The following PLEKHA4 variants were observed in gnomAD, a reference collection of about 807,000 sequenced individuals.
The protein encoded by PLEKHA4 is pleckstrin homology domain-containing family A member 4.
Under a neutral mutation model 94.7 loss-of-function variants are expected in PLEKHA4, and 73 were observed. The observed-to-expected ratio is 0.77, with a 90% CI of 0.64 to 0.94. PLEKHA4 has a LOEUF of 0.94. PLEKHA4 is among the 40% of genes least tolerant of loss of function. The pLI is 0.00. For synonymous variants in PLEKHA4, 449 were observed against 437.1 expected, an observed-to-expected ratio of 1.03 and a Z score of -0.34; for missense variants, 1,049 against 1,054.1, an observed-to-expected ratio of 1.00 and a Z score of 0.07.
chr19:48,856,657 G>T (rs574436487), intron 9 of PLEKHA4, among the ~76,000 whole-genome samples: 245 of 152,116 alleles, frequency 1.6e-3, no homozygotes, highest in African/African-American at 5.7e-3. Flanking sequence ...GGCGAAGGTT[G>T]CAGTGAACCG....
At position 48,867,629 on chromosome 19, in the gene PLEKHA4, G is replaced by A. The variant is rs751951206; in HGVS notation, c.-6-3C>T. ...GGTCGGCTCCCCTCCATCAAGGGCT[G>A]GGGGAGAGAAAGAAAGGGGCTGTGT... On this transcript the variant is annotated splice_polypyrimidine_tract_variant and splice_region_variant and intron_variant, in intron 1 of 19. Coordinates refer to ENST00000263265, the MANE Select transcript of PLEKHA4 (RefSeq NM_020904.3). The surrounding 1 kb of genome is among the most constrained non-coding windows in gnomAD (Gnocchi z 4.7). The A allele has an allele frequency of 1.3e-6, 2 of 1,585,878 alleles. No individual in the cohort carries two copies. The highest frequency in any genetic ancestry group is 2.3e-5 in the South Asian group (2 of 86,512).
chr19:48,859,424 G>A (rs749801873), intron 7 of PLEKHA4, 45 bp downstream of exon 7: 7 of 1,599,726 alleles, frequency 4.4e-6, no homozygotes, highest in South Asian at 1.1e-5. Flanking sequence ...TTCCGGCCCT[G>A]CCCTTCTCTT....
chr19:48,841,053 G>C (rs1014873071), intron 17 of PLEKHA4, 96 bp downstream of exon 17: 18 of 1,225,066 alleles, frequency 1.5e-5, no homozygotes, highest in Admixed American at 2.4e-5. Context: ...GGAGGAAGGA[G>C]GTAGTGATTA....
intron 6 of PLEKHA4, 185 bp downstream of exon 6, chr19:48,860,165 T>A (rs1035342616): frequency 3.5e-5 from 21 of 602,140 alleles, no homozygotes; most frequent in Non-Finnish European, 6.2e-5. Flanking sequence ...TGGGCGGAAC[T>A]TAAGGGAGAA....
chr19:48,848,087 G>C (rs757969478), intron 13 of PLEKHA4, 47 bp from the exon 14 acceptor site: 1 of 1,591,372 alleles, frequency 6.3e-7, no homozygotes, highest in Non-Finnish European at 8.6e-7. Flanking sequence ...GAAAACGCAG[G>C]AGGGTTTCAG....
Position 48,847,835 on chromosome 19 carries a change from A to C in PLEKHA4, c.1566+65T>G, listed in dbSNP as rs1049829771. 4.0e-6 allele frequency: 6 copies of C among 1,489,720 alleles called. No individual in the cohort carries two copies. In the African/African-American group the frequency reaches 8.5e-5, roughly 21 times the overall value. 92.3% of individuals were successfully genotyped at this position (1,489,720 alleles called of 1,614,324 possible). ...GAAGAATTAAAGAGGTGGGTGGGGAATAGACTGAGTCAAGGACAGGTGGGA... is the reference window on the plus strand; with the variant it reads ...GAAGAATTAAAGAGGTGGGTGGGGACTAGACTGAGTCAAGGACAGGTGGGA... On this transcript the variant is annotated intron_variant, in intron 14 of 19. Coordinates refer to ENST00000263265, the MANE Select transcript of PLEKHA4 (RefSeq NM_020904.3).
chr19:48,860,486 G>C (rs763614182), intron 5 of PLEKHA4, 27 bp from the exon 6 acceptor site: 1 of 1,566,982 alleles, frequency 6.4e-7, no homozygotes, highest in Non-Finnish European at 8.8e-7. Flanking sequence ...CTTGGAATCC[G>C]GACTCCCGGG....
rs1388096465 is a variant in PLEKHA4 at position 48,854,097 on chromosome 19, G to A, written c.1096-10C>T. On this transcript the variant is annotated splice_polypyrimidine_tract_variant and intron_variant, in intron 10 of 19. Coordinates refer to ENST00000263265, the MANE Select transcript of PLEKHA4 (RefSeq NM_020904.3). The stretch of plus-strand genomic sequence containing the variant: ...ACTTGGTCAGCAGCGTCTGGAGAAA[G>A]GAGAGCGGGAGCTACTGATGGTCCA... 6.2e-7 allele frequency: 1 copy of A among 1,614,068 alleles called. No individual in the cohort carries two copies.
rs2123208772 is a variant in PLEKHA4, at chr19:48,867,524, A to G, written c.84+13T>C. 4 of 1,587,548 alleles carry G rather than the reference A, an allele frequency of 2.5e-6. No individual in the cohort carries two copies. Among genetic ancestry groups the G allele is most frequent in the Non-Finnish European group, 3.4e-6 (4 of 1,169,510 alleles). On this transcript the variant is annotated intron_variant, in intron 2 of 19. Coordinates refer to ENST00000263265, the MANE Select transcript of PLEKHA4 (RefSeq NM_020904.3). The surrounding 1 kb of genome is among the most constrained non-coding windows in gnomAD (Gnocchi z 4.7). ...CCCCACCTTCCTCCCCATCCCCGCC[A>G]GGAAGCTCAAACCTTGGGGCTCAGG...
At chr19:48,848,176 T>C (rs994423494) in intron 13 of PLEKHA4, 136 bp from the exon 14 acceptor site, 60 of 1,052,446 alleles carry the variant, frequency 5.7e-5, no homozygotes, top group Middle Eastern at 3.0e-4. Flanking sequence ...CCCATGTGGT[T>C]ATCCAGTTGA....
intron 14 of PLEKHA4, among the ~76,000 whole-genome samples, chr19:48,846,968 G>C (rs1198706703): frequency 1.3e-5 from 2 of 152,102 alleles, no homozygotes; most frequent in Non-Finnish European, 2.9e-5. Context: ...TGCAACCTCT[G>C]CCTCCCTGGT....
Position 48,837,601 on chromosome 19 carries a change from C to T in PLEKHA4, c.2078-50G>A, listed in dbSNP as rs10407029. 0.28 allele frequency: 450,394 copies of T among 1,598,316 alleles called. 73,169 individuals carry two copies. The highest frequency in any genetic ancestry group is 0.73 in the African/African-American group (54,017 of 74,460). On this transcript the variant is annotated intron_variant, in intron 19 of 19. Coordinates refer to ENST00000263265, the MANE Select transcript of PLEKHA4 (RefSeq NM_020904.3). This position sits in a 1 kb window ranked among gnomAD's most constrained non-coding sequence, Gnocchi z 4.3. ...GAATGGCAAACCTCAGCGCTAGGAC[C>T]CCGGATTCCCAGCCCCTCCTCCCTC... is the stretch of plus-strand genomic sequence containing the variant.
intron 15 of PLEKHA4, 29 bp downstream of exon 15, chr19:48,845,488 G>A (rs373203585): frequency 1.1e-5 from 18 of 1,613,362 alleles, no homozygotes; most frequent in Admixed American, 3.3e-5. Flanking sequence ...GGGAATTTCC[G>A]TAAAGTCCCA....
Position 48,867,778 on chromosome 19 carries a change from A to C in PLEKHA4, c.-6-152T>G, listed in dbSNP as rs1032831094. Among the ~76,000 whole-genome samples the C allele has an allele frequency of 1.3e-5, 2 of 152,120 alleles. No individual in the cohort carries two copies. The highest frequency in any genetic ancestry group is 2.9e-5 in the Non-Finnish European group (2 of 68,000). On this transcript the variant is annotated intron_variant, in intron 1 of 19. Coordinates refer to ENST00000263265, the MANE Select transcript of PLEKHA4 (RefSeq NM_020904.3). This position sits in a 1 kb window ranked among gnomAD's most constrained non-coding sequence, Gnocchi z 4.7. ...GGGGGAGGCCATGGCCCGTGACCACATACCAAGAGTGGTGCCAAGAGAGGT... is the reference window on the plus strand; with the variant it reads ...GGGGGAGGCCATGGCCCGTGACCACCTACCAAGAGTGGTGCCAAGAGAGGT...
Position 48,841,277 on chromosome 19 carries a change from C to G in PLEKHA4, c.1777G>C (p.Glu593Gln). ...TTTCTGCGCATCCGCTCCAGCTGCTCCTGGGCACTCATCCGGGGCCGGGCC... is the reference window on the plus strand; with the variant it reads ...TTTCTGCGCATCCGCTCCAGCTGCTGCTGGGCACTCATCCGGGGCCGGGCC... Reference protein sequence around the residue: ...PVARPRMSAQEQLERMRRNQE... With the variant: ...PVARPRMSAQQQLERMRRNQE... The change falls in exon 17 of 20, where the codon GAG becomes CAG. Residue 593 changes from glutamate to glutamine, a missense_variant. By Grantham distance (29) the Glu-to-Gln change is conservative. Coordinates refer to ENST00000263265, the MANE Select transcript of PLEKHA4 (RefSeq NM_020904.3). 1 of 1,613,270 alleles carries G rather than the reference C, an allele frequency of 6.2e-7. No individual in the cohort carries two copies. Among genetic ancestry groups the G allele is most frequent in the Non-Finnish European group, 8.5e-7 (1 of 1,179,748 alleles).
intron 16 of PLEKHA4, among the ~76,000 whole-genome samples, chr19:48,844,804 CTTTTTTTTT>C (rs149141709): frequency 1.6e-4 from 11 of 70,838 alleles, no homozygotes; most frequent in Non-Finnish European, 2.2e-4. Context: ...CTCAGGGTGT[CTTTTTTTTT>C]TTTTTTTTTT....
intron 16 of PLEKHA4, among the ~76,000 whole-genome samples, chr19:48,844,196 C>T (rs181662645): frequency 1.7e-3 from 252 of 149,068 alleles, no homozygotes; most frequent in African/African-American, 5.8e-3. Flanking sequence ...GCTCTGTTGC[C>T]CAGGCTGGAG....
At chr19:48,838,364 T>A (rs1568531062) in intron 18 of PLEKHA4, 1 of 304,808 alleles carries the variant, frequency 3.3e-6, no homozygotes, top group Non-Finnish European at 6.1e-6. Flanking sequence ...CTATTCCCGA[T>A]GATGTGCTTA....
chr19:48,859,131 G>A lies in PLEKHA4; in HGVS notation c.701C>T (p.Thr234Ile), dbSNP rs368332515. The A allele has an allele frequency of 2.6e-6, 4 of 1,516,740 alleles. No individual in the cohort carries two copies. Among genetic ancestry groups the A allele is most frequent in the East Asian group, 4.9e-5 (2 of 40,440 alleles). 94.0% of individuals were successfully genotyped at this position (1,516,740 alleles called of 1,614,324 possible). Residue 234 changes from threonine (T) to isoleucine (I), a missense_variant, in exon 8 of 20, where the codon ACC becomes ATC. Physicochemically the swap from Thr to Ile is moderately conservative, Grantham distance 89 (BLOSUM62 -1). Transcript: ENST00000263265. Reference protein sequence around the residue: ...MRRARSPDLFTPLSRPPSPLS... With the variant: ...MRRARSPDLFIPLSRPPSPLS... Reference sequence around the variant, plus strand: ...AGGCGAGGGAGGGCGAGAGAGGGGGGTGAACAGGCTGTGGGAAGGAGAGAA... The same window carrying A: ...AGGCGAGGGAGGGCGAGAGAGGGGGATGAACAGGCTGTGGGAAGGAGAGAA...
Sources: allele counts gnomAD v4.1 joint callset (sites outside exome capture counted in the v4.1 genomes callset), GRCh38; gene constraint gnomAD v4.1.1; non-coding constraint Gnocchi (gnomAD v3.1); transcripts MANE v1.5; gene names NCBI Gene and HGNC (gene_info 2026-07-23, HGNC 2026-07-21).